Variants in COL14A1 observed in about 807,000 individuals in gnomAD.
The protein encoded by COL14A1 is collagen type XIV alpha 1 chain.
A neutral mutation model predicts 230.3 loss-of-function variants in COL14A1; 136 were observed. The observed-to-expected ratio is 0.59, with a 90% CI of 0.51 to 0.68. COL14A1 has a LOEUF of 0.68. Among genes scored for constraint, COL14A1 ranks in the 30% least tolerant of loss-of-function variants. COL14A1 has a pLI of 0.00. For synonymous variants in COL14A1, 792 were observed against 784.1 expected (o/e 1.01, Z -0.17); for missense variants, 1,976 against 2,215.8 (o/e 0.89, Z 2.17).
Position 120,255,490 on chromosome 8 carries a change from A to G in COL14A1, c.2869+134A>G, listed in dbSNP as rs78572620. 3,878 of 712,780 alleles carry G rather than the reference A, an allele frequency of 5.4e-3. 118 individuals are homozygous for G. The African/African-American group carries it at 0.061, about 11-fold the overall frequency. 44.2% of individuals were successfully genotyped at this position (712,780 alleles called of 1,614,324 possible). Reference sequence around the variant, plus strand: ...AGGAAGCAATTTGTATTGGTCAGTCATGCTGCATATGGGGTCTGACTGGTT... The same window carrying G: ...AGGAAGCAATTTGTATTGGTCAGTCGTGCTGCATATGGGGTCTGACTGGTT... On this transcript the variant is annotated intron_variant, in intron 23 of 47. Transcript: ENST00000297848.
intron 5 of COL14A1, among the ~76,000 whole-genome samples, chr8:120,177,184 C>T (rs898885088): frequency 6.6e-6 from 1 of 152,120 alleles, no homozygotes; most frequent in Admixed American, 6.6e-5. Flanking sequence ...CTGGCAGAAG[C>T]AAACACAAAA....
At chr8:120,233,610 T>G (rs917416303) in intron 19 of COL14A1, among the ~76,000 whole-genome samples, 9 of 152,150 alleles carry the variant, frequency 5.9e-5, no homozygotes, top group Non-Finnish European at 1.2e-4. Context: ...TCCAGGTTTG[T>G]CACAGATAGA....
chr8:120,347,955 G>T (rs1586886450), intron 45 of COL14A1, among the ~76,000 whole-genome samples: 1 of 152,060 alleles, frequency 6.6e-6, no homozygotes, highest in Non-Finnish European at 1.5e-5. Context: ...CATGAACACT[G>T]AAATGAGGCT....
chr8:120,284,574 A>G (rs905411728), intron 32 of COL14A1, among the ~76,000 whole-genome samples: 7 of 152,210 alleles, frequency 4.6e-5, no homozygotes, highest in Non-Finnish European at 8.8e-5. Flanking sequence ...GGATAAGGAA[A>G]GTATTAAGCT....
intron 5 of COL14A1, among the ~76,000 whole-genome samples, chr8:120,170,183 G>A (rs1816051071): frequency 1.3e-5 from 2 of 148,272 alleles, no homozygotes; most frequent in Admixed American, 1.3e-4. Flanking sequence ...ATATCTTTTT[G>A]TGTTTTTATA....
Position 120,285,922 on chromosome 8 carries a change from T to C in COL14A1, c.4029T>C (p.Thr1343=). Residue 1343 remains threonine (T), a synonymous_variant, in exon 33 of 48, where the codon ACT becomes ACC. Coordinates refer to ENST00000297848, the MANE Select transcript of COL14A1 (RefSeq NM_021110.4). ...AGAGTGGGGATTTTCAAACTGTTAC[T>C]TTCGAAGGACCTGAAATTAGGAAAA... is the stretch of plus-strand genomic sequence containing the variant. ...YDQSGDFQTV[T]FEGPEIRKIF... is the part of the protein sequence containing the mutation. The C allele has an allele frequency of 1.9e-6, 3 of 1,611,948 alleles. No individual in the cohort carries two copies. The highest frequency in any genetic ancestry group is 1.7e-5 in the Admixed American group (1 of 59,958).
In COL14A1 at chr8:120,367,935, C is replaced by A. The variant is rs1192022786; in HGVS notation, c.5155+687C>A. Among the ~76,000 whole-genome samples the A allele has an allele frequency of 3.3e-5, 5 of 150,174 alleles. No individual in the cohort carries two copies. The East Asian group carries it at 9.9e-4, about 30-fold the overall frequency. ...CTCCAGCCTGGGTGACAGAGGGAGA[C>A]CCTGTCTCGAAAAAAAAAAAAGAAG... On this transcript the variant is annotated intron_variant, in intron 46 of 47. Transcript: ENST00000297848.
intron 33 of COL14A1, among the ~76,000 whole-genome samples, chr8:120,288,243 G>T (rs529624656): frequency 6.6e-6 from 1 of 152,098 alleles, no homozygotes; most frequent in Non-Finnish European, 1.5e-5. Flanking sequence ...ATGTGGTGGG[G>T]TTTATTCCAT....
chr8:120,128,921 G>T (rs556877435), intron 1 of COL14A1, among the ~76,000 whole-genome samples: 1 of 152,064 alleles, frequency 6.6e-6, no homozygotes, highest in Non-Finnish European at 1.5e-5. Context: ...AATGTCTTAG[G>T]GTGTGTCTTT....
At chr8:120,266,962 A>G in intron 25 of COL14A1, 79 bp downstream of exon 25, 1 of 1,220,508 alleles carries the variant, frequency 8.2e-7, no homozygotes, top group Non-Finnish European at 1.2e-6. Flanking sequence ...ATTTCAAACC[A>G]GGATATTAAT....
At chr8:120,362,474 G>T (rs1823253527) in intron 45 of COL14A1, among the ~76,000 whole-genome samples, 1 of 152,204 alleles carries the variant, frequency 6.6e-6, no homozygotes, top group African/African-American at 2.4e-5. Context: ...AGTGCTTAAT[G>T]TGTGACTGGC....
chr8:120,303,227 A>C (rs1378157425), intron 36 of COL14A1, among the ~76,000 whole-genome samples: 1 of 152,050 alleles, frequency 6.6e-6, no homozygotes, highest in Admixed American at 6.6e-5. Flanking sequence ...GGATGCCTTT[A>C]TTTCTTTCTC....
intron 5 of COL14A1, among the ~76,000 whole-genome samples, chr8:120,173,648 CTCTATCTATCTATCTATCTA>C (rs59734398): frequency 5.5e-5 from 8 of 146,364 alleles, no homozygotes; most frequent in South Asian, 4.5e-4. Flanking sequence ...TATTATCTGT[CTCTATCTATCTATCTATCTA>C]TCTATCTATC....
In COL14A1 at chr8:120,344,190, G is replaced by A. The variant is rs545597252; in HGVS notation, c.4889-1185G>A. 7.9e-5 allele frequency among the ~76,000 whole-genome samples: 12 copies of A among 152,306 alleles called. No individual in the cohort carries two copies. In the South Asian group the frequency reaches 8.3e-4, roughly 11 times the overall value. On this transcript the variant is annotated intron_variant, in intron 44 of 47. Coordinates refer to ENST00000297848, the MANE Select transcript of COL14A1 (RefSeq NM_021110.4). ...AAATCAAAAAGGTTGTATGCAACTC[G>A]ATAAGCCAGGCCCAGCCTACTCAGA... is the stretch of plus-strand genomic sequence containing the variant.
intron 5 of COL14A1, among the ~76,000 whole-genome samples, chr8:120,172,766 C>A (rs747952658): frequency 1.3e-5 from 2 of 152,248 alleles, no homozygotes; most frequent in African/African-American, 2.4e-5. Flanking sequence ...TCTAGTCCAG[C>A]AATTTGTAAG....
intron 22 of COL14A1, among the ~76,000 whole-genome samples, chr8:120,254,124 T>G (rs1447003311): frequency 1.3e-5 from 2 of 152,148 alleles, no homozygotes; most frequent in Non-Finnish European, 1.5e-5. Context: ...CGAGGTATTT[T>G]TATTTTGTGA....
intron 34 of COL14A1, among the ~76,000 whole-genome samples, chr8:120,291,279 G>A (rs543543578): frequency 2.0e-5 from 3 of 152,014 alleles, no homozygotes; most frequent in East Asian, 1.9e-4. Flanking sequence ...AAGAGAATCC[G>A]GGCCGGGAGC....
At chr8:120,296,693 A>G (rs1398355707) in intron 34 of COL14A1, among the ~76,000 whole-genome samples, 2 of 152,006 alleles carry the variant, frequency 1.3e-5, no homozygotes, top group African/African-American at 2.4e-5. Flanking sequence ...AGCTAGTGTT[A>G]GCCCTTAATG....
At chr8:120,345,691 T>C in intron 45 of COL14A1, 128 bp downstream of exon 45, 1 of 815,388 alleles carries the variant, frequency 1.2e-6, no homozygotes, top group Non-Finnish European at 1.7e-6. Context: ...CCCCATCTAT[T>C]CTTCAGTTTC....
Sources: allele counts gnomAD v4.1 joint callset (sites outside exome capture counted in the v4.1 genomes callset), GRCh38; gene constraint gnomAD v4.1.1; transcripts MANE v1.5; gene names NCBI Gene and HGNC (gene_info 2026-07-23, HGNC 2026-07-21).